Variants in BICRA observed in about 807,000 individuals in gnomAD.
BICRA encodes the protein BRD4-interacting chromatin-remodeling complex-associated protein.
A neutral mutation model predicts 96.9 loss-of-function variants in BICRA; 31 were observed. The observed-to-expected ratio is 0.32, with a 90% confidence interval of 0.24 to 0.43. The LOEUF is 0.43. Ranked by LOEUF, BICRA falls within the 20% of genes least tolerant of loss-of-function variation. BICRA has a pLI of 1.00. For synonymous variants in BICRA, 1,350 were observed against 1,071.8 expected (o/e 1.26, Z -5.07); for missense variants, 2,283 against 2,190.3 (o/e 1.04, Z -0.84).
chr19:47,691,296 C>T (rs143519280), intron 7 of BICRA, among the ~76,000 whole-genome samples: 2 of 152,362 alleles, frequency 1.3e-5, no homozygotes, highest in African/African-American at 2.4e-5. Flanking sequence ...ATGGGAGCCG[C>T]AGGCTTTTTA....
intron 5 of BICRA, chr19:47,678,918 C>G: frequency 7.8e-6 from 1 of 127,938 alleles, no homozygotes; most frequent in Non-Finnish European, 1.5e-5. Flanking sequence ...TTTTTTTCTT[C>G]TCAAAGTCTT....
rs761949367 is a variant in BICRA, at chr19:47,701,380, C to T, written c.3648C>T (p.Ser1216=). 1.7e-5 allele frequency: 27 copies of T among 1,609,866 alleles called. No individual in the cohort carries two copies. The highest frequency in any genetic ancestry group is 5.3e-5 in the African/African-American group (4 of 74,852). ...RSLGLPIAAS[S]EGHRLPGHGP... ...TCGGCCTCCCCATCGCAGCCTCTTC[C>T]GAGGGTCATCGGCTTCCCGGCCACG... is the stretch of plus-strand genomic sequence containing the variant. Residue 1216 remains serine, a synonymous_variant, in exon 15 of 15, where the codon TCC becomes TCT. Transcript: ENST00000594866. The surrounding 1 kb of genome is among the most constrained non-coding windows in gnomAD (Gnocchi z 5.4).
chr19:47,669,892 G>A (rs1015751407), intron 1 of BICRA, among the ~76,000 whole-genome samples: 19 of 151,436 alleles, frequency 1.3e-4, no homozygotes, highest in African/African-American at 4.4e-4. Context: ...TCCTGACCTC[G>A]CGATCCACCT....
At position 47,609,468 on chromosome 19, in the gene BICRA, CCT is replaced by C. The variant is rs1449079739; in HGVS notation, c.-108+301_-108+302del. ...CTTCCACCACCGCCGCCGCCCCGATCCTATGGGGACCCCCCCCCAACCGGCTT... is the reference window on the plus strand; with the variant it reads ...CTTCCACCACCGCCGCCGCCCCGATCATGGGGACCCCCCCCCAACCGGCTT... On this transcript the variant is annotated intron_variant, in intron 1 of 14. Transcript: ENST00000594866. Among the ~76,000 whole-genome samples the C allele has an allele frequency of 4.0e-5, 4 of 100,880 alleles. No homozygotes were observed. In the Admixed American group the frequency reaches 4.0e-4, roughly 10 times the overall value. 66.2% of individuals were successfully genotyped at this position (100,880 alleles called of 152,430 possible). A position where few individuals can be genotyped will look rare whatever the true frequency, so the allele number is the denominator to read the frequency against.
At chr19:47,695,342 T>TCCCCCCCCCCCCCCCCCCCCCCGCCC in intron 9 of BICRA, 23 bp from the exon 10 acceptor site, 1 of 630,200 alleles carries the variant, frequency 1.6e-6, no homozygotes, top group Non-Finnish European at 2.8e-6. Flanking sequence ...AGGCCCTGTC[T>TCCCCCCCCCCCCCCCCCCCCCCGCCC]CCCCCACCCC....
intron 1 of BICRA, among the ~76,000 whole-genome samples, chr19:47,642,107 G>A (rs775883874): frequency 6.6e-6 from 1 of 152,182 alleles, no homozygotes. Flanking sequence ...CACACAGCAT[G>A]TACTCTTTTG....
intron 1 of BICRA, among the ~76,000 whole-genome samples, chr19:47,667,088 G>A (rs1244011637): frequency 6.7e-5 from 10 of 149,790 alleles, no homozygotes; most frequent in South Asian, 2.1e-4. Flanking sequence ...GCACGATCTC[G>A]GCTCACTGCA....
At position 47,701,997 on chromosome 19, in the gene BICRA, A is replaced by G; in HGVS notation, c.4265A>G (p.Asp1422Gly). The change falls in exon 15 of 15, where the codon GAC becomes GGC. Residue 1422 changes from aspartate (D) to glycine (G), a missense_variant. Asp to Gly is a moderately conservative substitution (Grantham distance 94). Coordinates refer to ENST00000594866, the MANE Select transcript of BICRA (RefSeq NM_001394372.1). This position sits in a 1 kb window ranked among gnomAD's most constrained non-coding sequence, Gnocchi z 5.4. ...GSPAPLPAKV[D>G]EATSGLIREL... ...CCGGCGCCGCTGCCCGCCAAAGTGG[A>G]CGAGGCCACCAGCGGGCTCATCCGC... 6 of 1,484,460 alleles carry G rather than the reference A, an allele frequency of 4.0e-6. No homozygotes were observed. The highest frequency in any genetic ancestry group is 5.3e-6 in the Non-Finnish European group (6 of 1,126,382). The allele number at this position is 1,484,460 out of a possible 1,614,324, so 92.0% of individuals were successfully genotyped here.
chr19:47,701,823 ACCACCCG>A lies in BICRA; in HGVS notation c.4094_4100del (p.His1365ArgfsTer78). On this transcript the variant is annotated frameshift_variant, in exon 15 of 15. Transcript: ENST00000594866. LOFTEE classifies it high-confidence loss of function. The surrounding 1 kb of genome is among the most constrained non-coding windows in gnomAD (Gnocchi z 5.4). ...ACGGGCCAGATGAACGGCACGGTGG[ACCACCCG>A]CCGCCTGCCGCCCCCGAGCGCAAGC... is the stretch of plus-strand genomic sequence containing the variant. 1 of 1,529,292 alleles carries A rather than the reference ACCACCCG, an allele frequency of 6.5e-7. No individual in the cohort carries two copies. The highest frequency in any genetic ancestry group is 8.8e-7 in the Non-Finnish European group (1 of 1,141,918). 94.7% of individuals were successfully genotyped at this position (1,529,292 alleles called of 1,614,324 possible).
intron 1 of BICRA, among the ~76,000 whole-genome samples, chr19:47,652,762 TG>T (rs1972558256): frequency 6.6e-6 from 1 of 152,220 alleles, no homozygotes; most frequent in Admixed American, 6.5e-5. Context: ...TTGAAAACTA[TG>T]CAGTGGAACA....
At position 47,646,842 on chromosome 19, in the gene BICRA, CCA is replaced by C. The variant is rs549368045; in HGVS notation, c.-107-23598_-107-23597del. Reference sequence around the variant, plus strand: ...ACAGTTCACCCATGTAAATCGTTCACCACAGTTTATAGTGTGTTTGCAGAGTT... The same window carrying C: ...ACAGTTCACCCATGTAAATCGTTCACCAGTTTATAGTGTGTTTGCAGAGTT... On this transcript the variant is annotated intron_variant, in intron 1 of 14. Coordinates refer to ENST00000594866, the MANE Select transcript of BICRA (RefSeq NM_001394372.1). Among the ~76,000 whole-genome samples, 11 of 152,276 alleles carry C rather than the reference CCA, an allele frequency of 7.2e-5. No homozygotes were observed. In the South Asian group the frequency reaches 1.9e-3, roughly 26 times the overall value.
chr19:47,632,880 A>G (rs763524899), intron 1 of BICRA, among the ~76,000 whole-genome samples: 1 of 152,044 alleles, frequency 6.6e-6, no homozygotes, highest in Non-Finnish European at 1.5e-5. Flanking sequence ...TCTCCTTCTC[A>G]GGCAAGTTCT....
At chr19:47,619,038 C>T (rs576497127) in intron 1 of BICRA, among the ~76,000 whole-genome samples, 5 of 152,134 alleles carry the variant, frequency 3.3e-5, no homozygotes, top group South Asian at 2.1e-4. Context: ...ACTTGGCGCC[C>T]GGCCTGGGTG....
chr19:47,701,135 C>G lies in BICRA; in HGVS notation c.3596-193C>G, dbSNP rs1177768728. 1 of 596,404 alleles carries G rather than the reference C, an allele frequency of 1.7e-6. No individual in the cohort carries two copies. Among genetic ancestry groups the G allele is most frequent in the African/African-American group, 1.9e-5 (1 of 53,678 alleles). The allele number at this position is 596,404 out of a possible 1,614,324, so 36.9% of individuals were successfully genotyped here. On this transcript the variant is annotated intron_variant, in intron 14 of 14. Transcript: ENST00000594866. The surrounding 1 kb of genome is among the most constrained non-coding windows in gnomAD (Gnocchi z 5.4). ...GTGGCTCGTGGCGCTGTGCCAGGCACAGTGGTTTTAGAGTTGGGGGAATTT... is the reference window on the plus strand; with the variant it reads ...GTGGCTCGTGGCGCTGTGCCAGGCAGAGTGGTTTTAGAGTTGGGGGAATTT...
intron 1 of BICRA, among the ~76,000 whole-genome samples, chr19:47,610,352 A>G (rs1971883899): frequency 1.3e-5 from 2 of 152,210 alleles, no homozygotes; most frequent in East Asian, 1.9e-4. Context: ...GGACCGGGCA[A>G]GGAGCCGCGG....
intron 1 of BICRA, among the ~76,000 whole-genome samples, chr19:47,669,249 T>A (rs898891915): frequency 1.1e-4 from 17 of 152,070 alleles, no homozygotes; most frequent in Non-Finnish European, 2.5e-4. Flanking sequence ...GGAGTTATAG[T>A]CCTGTTAGCC....
intron 8 of BICRA, 23 bp downstream of exon 8, chr19:47,694,749 C>T (rs1555791053): frequency 3.2e-6 from 4 of 1,255,122 alleles, no homozygotes; most frequent in Non-Finnish European, 4.5e-6. Flanking sequence ...AGGGACTGCC[C>T]GCCCCATCAG....
Position 47,682,053 on chromosome 19 carries a change from T to TC in BICRA, c.2187dup (p.Ala730ArgfsTer141). ...CCTCGGTCATAGTCAGCGCCCCGCC[T>TC]CCCGCCCAAGACCCAGCCCCAGCCA... On this transcript the variant is annotated frameshift_variant, in exon 7 of 15. Transcript: ENST00000594866. LOFTEE classifies it high-confidence loss of function. The TC allele has an allele frequency of 6.6e-7, 1 of 1,515,696 alleles. No homozygotes were observed. Among genetic ancestry groups the TC allele is most frequent in the Non-Finnish European group, 8.9e-7 (1 of 1,120,330 alleles). The allele number at this position is 1,515,696 out of a possible 1,614,324, so 93.9% of individuals were successfully genotyped here. A position where few individuals can be genotyped will look rare whatever the true frequency, so the allele number is the denominator to read the frequency against.
intron 1 of BICRA, among the ~76,000 whole-genome samples, chr19:47,644,197 CTT>C (rs1002764688): frequency 6.9e-6 from 1 of 144,602 alleles, no homozygotes. Flanking sequence ...ATTTCTTCTT[CTT>C]TTTTTTTTTG....
Sources: allele counts gnomAD v4.1 joint callset (sites outside exome capture counted in the v4.1 genomes callset), GRCh38; gene constraint gnomAD v4.1.1; non-coding constraint Gnocchi (gnomAD v3.1); transcripts MANE v1.5; gene names NCBI Gene and HGNC (gene_info 2026-07-23, HGNC 2026-07-21).